Variants in ARHGEF28 observed in about 807,000 individuals in gnomAD.
ARHGEF28 encodes Rho guanine nucleotide exchange factor 28.
In ARHGEF28, 152 loss-of-function variants were observed where a neutral mutation model predicts 206.6. The ratio of observed to expected loss-of-function variants is 0.74; its 90% CI spans 0.64 to 0.84. The LOEUF (loss-of-function observed/expected upper bound fraction) is 0.84. Among genes scored for constraint, ARHGEF28 ranks in the 40% least tolerant of loss-of-function variants. ARHGEF28 has a pLI of 0.00. For missense variants in ARHGEF28, 2,028 were observed against 2,073.2 expected (o/e 0.98, Z 0.42); for synonymous variants, 763 against 776.4 (o/e 0.98, Z 0.29).
At chr5:73,695,491 A>C (rs1748149080) in intron 2 of ARHGEF28, among the ~76,000 whole-genome samples, 1 of 152,050 alleles carries the variant, frequency 6.6e-6, no homozygotes, top group Admixed American at 6.5e-5. Context: ...CCTGTTTGCT[A>C]TTATCACTCA....
intron 7 of ARHGEF28, among the ~76,000 whole-genome samples, chr5:73,783,345 AGTGTGTGT>A (rs57320048): frequency 6.4e-4 from 94 of 145,914 alleles, no homozygotes; most frequent in African/African-American, 9.1e-4. Context: ...CCTGGAATAT[AGTGTGTGT>A]GTGTGTGTGT....
intron 34 of ARHGEF28, among the ~76,000 whole-genome samples, chr5:73,910,226 C>CA (rs1268790072): frequency 1.3e-5 from 2 of 151,436 alleles, no homozygotes; most frequent in African/African-American, 4.9e-5. Flanking sequence ...ACTAAAAATA[C>CA]AAAAATTAGC....
intron 34 of ARHGEF28, among the ~76,000 whole-genome samples, chr5:73,910,466 C>G (rs1029272985): frequency 6.7e-6 from 1 of 150,234 alleles, no homozygotes; most frequent in African/African-American, 2.5e-5. Flanking sequence ...ATGCCCTTAC[C>G]CTAAGGAACA....
At chr5:73,761,976 G>A (rs1481840806) in intron 4 of ARHGEF28, among the ~76,000 whole-genome samples, 1 of 150,506 alleles carries the variant, frequency 6.6e-6, no homozygotes. Context: ...GACTATAGGT[G>A]TGTGCCACCA....
chr5:73,762,249 A>T (rs545347636), intron 4 of ARHGEF28, among the ~76,000 whole-genome samples: 1 of 152,110 alleles, frequency 6.6e-6, no homozygotes, highest in East Asian at 1.9e-4. Flanking sequence ...TGAGGTCAGG[A>T]GTTCAAGACC....
chr5:73,861,231 ACTT>A (rs1759381246), intron 16 of ARHGEF28, among the ~76,000 whole-genome samples: 1 of 152,208 alleles, frequency 6.6e-6, no homozygotes, highest in Non-Finnish European at 1.5e-5. Flanking sequence ...TGAAAGGGAA[ACTT>A]TTGTAGTAAA....
intron 9 of ARHGEF28, among the ~76,000 whole-genome samples, chr5:73,801,355 G>A (rs1406770167): frequency 2.6e-5 from 4 of 152,116 alleles, no homozygotes; most frequent in Non-Finnish European, 5.9e-5. Context: ...GCTGAGGCAG[G>A]AGAATGGCGT....
intron 10 of ARHGEF28, among the ~76,000 whole-genome samples, chr5:73,837,898 C>A (rs940618561): frequency 6.6e-6 from 1 of 151,994 alleles, no homozygotes; most frequent in Non-Finnish European, 1.5e-5. Flanking sequence ...TGCACCATGA[C>A]ACCCGGCTAA....
chr5:73,898,670 A>G (rs1032991228), intron 30 of ARHGEF28: 2 of 152,192 alleles, frequency 1.3e-5, no homozygotes, highest in Admixed American at 1.3e-4. Context: ...ACTTTAGTTC[A>G]TGTCAGAATT....
At position 73,795,331 on chromosome 5, in the gene ARHGEF28, C is replaced by T. The variant is rs201283070; in HGVS notation, c.964C>T (p.Arg322Cys). The change falls in exon 9 of 36, where the codon CGT becomes TGT. Residue 322 changes from arginine (R) to cysteine (C), a missense_variant and splice_region_variant. Physicochemically the swap from Arg to Cys is radical, Grantham distance 180. Coordinates refer to ENST00000513042, the MANE Select transcript of ARHGEF28 (RefSeq NM_001177693.2). Reference sequence around the variant, plus strand: ...ATCCACCTGACTTTATCTCTTCCAGCGTGTCAAAAGCCTGGTGGTTCAACA... The same window carrying T: ...ATCCACCTGACTTTATCTCTTCCAGTGTGTCAAAAGCCTGGTGGTTCAACA... ...RSAAEKEDIK[R>C]VKSLVVQHNE... 1.2e-3 allele frequency: 1,994 copies of T among 1,613,462 alleles called. 31 individuals are homozygous for T. In the South Asian group the frequency reaches 0.02, roughly 16 times the overall value.
chr5:73,899,368 C>A (rs985775971), intron 30 of ARHGEF28: 4 of 152,200 alleles, frequency 2.6e-5, no homozygotes, highest in Non-Finnish European at 5.9e-5. Context: ...TCGTGCCTTC[C>A]CTCCCTTCAG....
At chr5:73,774,587 T>G (rs923114263) in intron 5 of ARHGEF28, among the ~76,000 whole-genome samples, 4 of 152,202 alleles carry the variant, frequency 2.6e-5, no homozygotes, top group African/African-American at 9.6e-5. Flanking sequence ...TTAGTCAATT[T>G]GGTGGTCATT....
At chr5:73,729,405 G>A (rs1229365903) in intron 2 of ARHGEF28, among the ~76,000 whole-genome samples, 1 of 152,074 alleles carries the variant, frequency 6.6e-6, no homozygotes, top group Non-Finnish European at 1.5e-5. Flanking sequence ...TGGGCTAAAG[G>A]AATGCTGCCT....
intron 23 of ARHGEF28, among the ~76,000 whole-genome samples, chr5:73,883,483 G>A (rs1458514850): frequency 6.6e-6 from 1 of 152,106 alleles, no homozygotes; most frequent in Non-Finnish European, 1.5e-5. Flanking sequence ...CAAAAATTTT[G>A]CTATTCATAA....
chr5:73,881,109 A>G (rs181091734), intron 22 of ARHGEF28, among the ~76,000 whole-genome samples: 28 of 151,090 alleles, frequency 1.9e-4, no homozygotes, highest in Admixed American at 1.1e-3. Flanking sequence ...TTTTCCTCTA[A>G]TTGCTTTTGC....
chr5:73,737,315 G>A (rs764461406), intron 2 of ARHGEF28, among the ~76,000 whole-genome samples: 19 of 149,662 alleles, frequency 1.3e-4, no homozygotes, highest in African/African-American at 3.7e-4. Flanking sequence ...TCTTTCTCAC[G>A]CTTTTCCTAT....
chr5:73,848,065 G>A (rs1455539595), intron 12 of ARHGEF28, among the ~76,000 whole-genome samples: 1 of 152,186 alleles, frequency 6.6e-6, no homozygotes, highest in South Asian at 2.1e-4. Flanking sequence ...TTTAATTTTA[G>A]TAAAGAGTTT....
chr5:73,763,087 T>C (rs542515263), intron 4 of ARHGEF28, among the ~76,000 whole-genome samples: 4 of 152,284 alleles, frequency 2.6e-5, no homozygotes, highest in Admixed American at 2.6e-4. Flanking sequence ...AATGTTGGTG[T>C]GGTGGTTCAT....
chr5:73,694,539 C>T (rs1359307297), intron 2 of ARHGEF28, among the ~76,000 whole-genome samples: 1 of 152,174 alleles, frequency 6.6e-6, no homozygotes, highest in African/African-American at 2.4e-5. Flanking sequence ...AGAGTTTTCT[C>T]TGGGAGAAGC....
Sources: allele counts gnomAD v4.1 joint callset (sites outside exome capture counted in the v4.1 genomes callset), GRCh38; gene constraint gnomAD v4.1.1; transcripts MANE v1.5; gene names NCBI Gene and HGNC (gene_info 2026-07-23, HGNC 2026-07-21).